RAB15: variants seen among roughly 807,000 people sequenced by gnomAD.
RAB15 encodes the protein RAB15, member RAS oncogene family.
Under a neutral mutation model 31.8 loss-of-function variants are expected in RAB15, and 13 were observed. That is an observed-to-expected ratio of 0.41 (90% confidence interval 0.27 to 0.65). RAB15 has a LOEUF of 0.65. Ranked by LOEUF, RAB15 falls within the 30% of genes least tolerant of loss-of-function variation. The pLI is 0.32. For synonymous variants in RAB15, 100 were observed against 105.6 expected (o/e 0.95, Z 0.33); for missense variants, 220 against 277.3 (o/e 0.79, Z 1.47).
intron 1 of RAB15, among the ~76,000 whole-genome samples, chr14:64,960,241 G>A (rs1299604897): frequency 1.3e-5 from 2 of 152,238 alleles, no homozygotes; most frequent in African/African-American, 2.4e-5. Context: ...CAGCACTCAC[G>A]TGACTCCTAA....
At chr14:64,969,265 A>G (rs1388022969) in intron 1 of RAB15, among the ~76,000 whole-genome samples, 1 of 152,222 alleles carries the variant, frequency 6.6e-6, no homozygotes, top group Non-Finnish European at 1.5e-5. Context: ...AAATAAGCGA[A>G]TGACTATGAC....
At chr14:64,964,007 C>G (rs192037541) in intron 1 of RAB15, among the ~76,000 whole-genome samples, 94 of 152,316 alleles carry the variant, frequency 6.2e-4, no homozygotes, top group African/African-American at 2.1e-3. Context: ...TGGTTCCCAG[C>G]TACACTGTAA....
chr14:64,948,883 T>C lies in RAB15; in HGVS notation c.415-150A>G. 1 of 686,154 alleles carries C rather than the reference T, an allele frequency of 1.5e-6. No homozygotes were observed. The highest frequency in any genetic ancestry group is 2.5e-6 in the Non-Finnish European group (1 of 401,994). 42.5% of individuals were successfully genotyped at this position (686,154 alleles called of 1,614,324 possible). ...TAATTTCTCAGATGGGACTGGGAGC[T>C]CCAAGAGAGGGTAGCAGAGAATGGG... On this transcript the variant is annotated intron_variant, in intron 5 of 6. Transcript: ENST00000533601. The surrounding 1 kb of genome is among the most constrained non-coding windows in gnomAD (Gnocchi z 7.0).
rs1314714850 is a variant in RAB15, at chr14:64,953,679, G to A, written c.125-1108C>T. 2.2e-6 allele frequency: 1 copy of A among 453,594 alleles called. No homozygotes were observed. Among genetic ancestry groups the A allele is most frequent in the Non-Finnish European group, 2.9e-6 (1 of 344,016 alleles). 28.1% of individuals were successfully genotyped at this position (453,594 alleles called of 1,614,324 possible). ...CAGCTTGACTCTGAGTGACAACAGA[G>A]AGATGAGGGAGGTTGTTTTGCTGAC... On this transcript the variant is annotated intron_variant, in intron 1 of 6. Coordinates refer to ENST00000533601, the MANE Select transcript of RAB15 (RefSeq NM_001308154.2). This position sits in a 1 kb window ranked among gnomAD's most constrained non-coding sequence, Gnocchi z 4.6.
At position 64,953,787 on chromosome 14, in the gene RAB15, C is replaced by T. The variant is rs989018945; in HGVS notation, c.125-1216G>A. 1.4e-5 allele frequency: 14 copies of T among 985,248 alleles called. No homozygotes were observed. Among genetic ancestry groups the T allele is most frequent in the Middle Eastern group, 5.2e-4 (1 of 1,914 alleles). 61.0% of individuals were successfully genotyped at this position (985,248 alleles called of 1,614,324 possible). On this transcript the variant is annotated intron_variant, in intron 1 of 6. Coordinates refer to ENST00000533601, the MANE Select transcript of RAB15 (RefSeq NM_001308154.2). The surrounding 1 kb of genome is among the most constrained non-coding windows in gnomAD (Gnocchi z 4.6). Reference sequence around the variant, plus strand: ...ACGTCTGGTGGGTTAATTAAGCTTACGTCTTTGTGTACTCCCTGGAGCAAG... The same window carrying T: ...ACGTCTGGTGGGTTAATTAAGCTTATGTCTTTGTGTACTCCCTGGAGCAAG...
In RAB15 at chr14:64,950,325, C is replaced by T; in HGVS notation, c.414G>A (p.Gln138=). ...KRQVGREQGQ[Q]LAKEYGMDFY... is the part of the protein sequence containing the mutation. ...GGACTTGCCTTTTCCCTCCACTTAC[C>T]TGCTGCCCTTGCTCTCTTCCCACCT... is the stretch of plus-strand genomic sequence containing the variant. The change falls in exon 5 of 7, where the codon CAG becomes CAA. Residue 138 remains glutamine (Q), a splice_region_variant and synonymous_variant. Coordinates refer to ENST00000533601, the MANE Select transcript of RAB15 (RefSeq NM_001308154.2). This position sits in a 1 kb window ranked among gnomAD's most constrained non-coding sequence, Gnocchi z 5.6. The T allele has an allele frequency of 1.2e-6, 2 of 1,613,796 alleles. No homozygotes were observed. The highest frequency in any genetic ancestry group is 1.7e-6 in the Non-Finnish European group (2 of 1,179,688).
Position 64,962,571 on chromosome 14 carries a change from G to T in RAB15, c.124+9382C>A, listed in dbSNP as rs1470170320. ...CCCAAGCACAAGCAACCTTAGACTG[G>T]CTGGCCAGAGAAGACATTTTAAAGG... On this transcript the variant is annotated intron_variant, in intron 1 of 6. Transcript: ENST00000533601. This position sits in a 1 kb window ranked among gnomAD's most constrained non-coding sequence, Gnocchi z 4.2. Among the ~76,000 whole-genome samples, 1 of 152,186 alleles carries T rather than the reference G, an allele frequency of 6.6e-6. No homozygotes were observed. Among genetic ancestry groups the T allele is most frequent in the East Asian group, 1.9e-4 (1 of 5,192 alleles).
chr14:64,946,405 G>A lies in RAB15; in HGVS notation c.*1949C>T, dbSNP rs940263847. ...TCACCTACTTCCCTAGCCCCAGTGT[G>A]ATGTGGCATAGGTCTTGATACCCAA... On this transcript the variant is annotated 3_prime_UTR_variant, in exon 7 of 7. Coordinates refer to ENST00000533601, the MANE Select transcript of RAB15 (RefSeq NM_001308154.2). 1 of 152,228 alleles carries A rather than the reference G, an allele frequency of 6.6e-6. No homozygotes were observed. The highest frequency in any genetic ancestry group is 1.5e-5 in the Non-Finnish European group (1 of 68,042). The allele number at this position is 152,228 out of a possible 1,614,324, so 9.4% of individuals were successfully genotyped here.
chr14:64,950,555 G>C lies in RAB15; in HGVS notation c.325-141C>G, dbSNP rs1006589919. 2 of 745,420 alleles carry C rather than the reference G, an allele frequency of 2.7e-6. No individual in the cohort carries two copies. The highest frequency in any genetic ancestry group is 1.7e-5 in the African/African-American group (1 of 58,380). The allele number at this position is 745,420 out of a possible 1,614,324, so 46.2% of individuals were successfully genotyped here. ...TGGGCCGACTGGATGCAGGTGCCAG[G>C]CTCCCCCAAGTGCCATGGCTGACCT... On this transcript the variant is annotated intron_variant, in intron 4 of 6. Transcript: ENST00000533601. The surrounding 1 kb of genome is among the most constrained non-coding windows in gnomAD (Gnocchi z 5.6).
intron 1 of RAB15, among the ~76,000 whole-genome samples, chr14:64,960,034 G>C (rs1886771501): frequency 6.6e-6 from 1 of 152,170 alleles, no homozygotes; most frequent in South Asian, 2.1e-4. Flanking sequence ...CATGGCCTGA[G>C]GCAGCAGCCC....
chr14:64,954,443 G>T lies in RAB15; in HGVS notation c.125-1872C>A. Reference sequence around the variant, plus strand: ...ATTTTCTCCAATTTGTAATATACCTGGTTTATCCTCACACTAGCCTAGCAA... The same window carrying T: ...ATTTTCTCCAATTTGTAATATACCTTGTTTATCCTCACACTAGCCTAGCAA... On this transcript the variant is annotated intron_variant, in intron 1 of 6. Transcript: ENST00000533601. This position sits in a 1 kb window ranked among gnomAD's most constrained non-coding sequence, Gnocchi z 4.3. 1.0e-6 allele frequency: 1 copy of T among 985,410 alleles called. No individual in the cohort carries two copies. Among genetic ancestry groups the T allele is most frequent in the East Asian group, 1.1e-4 (1 of 8,820 alleles). 61.0% of individuals were successfully genotyped at this position (985,410 alleles called of 1,614,324 possible).
At position 64,951,029 on chromosome 14, in the gene RAB15, T is replaced by C; in HGVS notation, c.324+45A>G. On this transcript the variant is annotated intron_variant, in intron 4 of 6. Transcript: ENST00000533601. This position sits in a 1 kb window ranked among gnomAD's most constrained non-coding sequence, Gnocchi z 7.2. ...CTGGCCCTCGCCTTGCCTTCCCCGG[T>C]GAGGCACCCTCTCCACACCCCGGCA... 6.2e-7 allele frequency: 1 copy of C among 1,613,626 alleles called. No homozygotes were observed. The highest frequency in any genetic ancestry group is 1.6e-4 in the Middle Eastern group (1 of 6,062).
At position 64,946,429 on chromosome 14, in the gene RAB15, A is replaced by G. The variant is rs1885925206; in HGVS notation, c.*1925T>C. 6.6e-6 allele frequency: 1 copy of G among 152,200 alleles called. No individual in the cohort carries two copies. The highest frequency in any genetic ancestry group is 6.5e-5 in the Admixed American group (1 of 15,278). 9.4% of individuals were successfully genotyped at this position (152,200 alleles called of 1,614,324 possible). ...TGATGTGGCATAGGTCTTGATACCCAAGGAGTCCCATCTTCAAGGAAGCAA... is the reference window on the plus strand; with the variant it reads ...TGATGTGGCATAGGTCTTGATACCCGAGGAGTCCCATCTTCAAGGAAGCAA... On this transcript the variant is annotated 3_prime_UTR_variant, in exon 7 of 7. Coordinates refer to ENST00000533601, the MANE Select transcript of RAB15 (RefSeq NM_001308154.2).
intron 1 of RAB15, among the ~76,000 whole-genome samples, chr14:64,963,109 CTTTTTTTTTTTTTT>C (rs1165246293): frequency 2.1e-5 from 2 of 96,402 alleles, no homozygotes; most frequent in African/African-American, 1.0e-4. Context: ...CCCTTCCCCA[CTTTTTTTTTTTTTT>C]TTTTTTTTTT....
intron 1 of RAB15, among the ~76,000 whole-genome samples, chr14:64,956,321 G>T (rs1886563511): frequency 6.6e-6 from 1 of 150,470 alleles, no homozygotes; most frequent in African/African-American, 2.4e-5. Flanking sequence ...GGTGTGGGGA[G>T]AATCGCTTTA....
chr14:64,971,900 G>A lies in RAB15; in HGVS notation c.124+53C>T, dbSNP rs1308909499. 1 of 1,512,204 alleles carries A rather than the reference G, an allele frequency of 6.6e-7. No homozygotes were observed. The highest frequency in any genetic ancestry group is 1.4e-5 in the African/African-American group (1 of 71,520). 93.7% of individuals were successfully genotyped at this position (1,512,204 alleles called of 1,614,324 possible). ...CCCCAGCTGGGGACGGGGGCGGCGG[G>A]GAAAGGGGCCGCGGGCGGGGAGGGA... On this transcript the variant is annotated intron_variant, in intron 1 of 6. Transcript: ENST00000533601. This position sits in a 1 kb window ranked among gnomAD's most constrained non-coding sequence, Gnocchi z 4.1.
intron 1 of RAB15, among the ~76,000 whole-genome samples, chr14:64,961,666 G>C (rs905392126): frequency 2.6e-5 from 4 of 152,158 alleles, no homozygotes; most frequent in African/African-American, 7.2e-5. Context: ...CCAGCACTTT[G>C]GGAAGCCAAG....
In RAB15 at chr14:64,971,722, GC is replaced by G. The variant is rs1887429058; in HGVS notation, c.124+230del. On this transcript the variant is annotated intron_variant, in intron 1 of 6. Coordinates refer to ENST00000533601, the MANE Select transcript of RAB15 (RefSeq NM_001308154.2). This position sits in a 1 kb window ranked among gnomAD's most constrained non-coding sequence, Gnocchi z 4.1. ...GTTTCTCGGTTTGATGGGACGGAAG[GC>G]TTCCCGGCAAGAGGCGGGAGACCCC... 3.8e-5 allele frequency: 21 copies of G among 556,720 alleles called. No individual in the cohort carries two copies. The South Asian group carries it at 4.2e-4, about 11-fold the overall frequency. 34.5% of individuals were successfully genotyped at this position (556,720 alleles called of 1,614,324 possible).
chr14:64,956,613 A>C (rs562426188), intron 1 of RAB15, among the ~76,000 whole-genome samples: 1 of 152,312 alleles, frequency 6.6e-6, no homozygotes, highest in African/African-American at 2.4e-5. Flanking sequence ...AAGTGTCAAG[A>C]GAGCGAGAGC....
Sources: allele counts gnomAD v4.1 joint callset (sites outside exome capture counted in the v4.1 genomes callset), GRCh38; gene constraint gnomAD v4.1.1; non-coding constraint Gnocchi (gnomAD v3.1); transcripts MANE v1.5; gene names NCBI Gene and HGNC (gene_info 2026-07-23, HGNC 2026-07-21).